The following SLC25A31 variants were observed in gnomAD, a reference collection of about 807,000 sequenced individuals.
The protein encoded by SLC25A31 is solute carrier family 25 member 31.
A neutral mutation model predicts 36.2 loss-of-function variants in SLC25A31; 40 were observed. The ratio of observed to expected loss-of-function variants is 1.10; its 90% CI spans 0.86 to 1.44. SLC25A31 has a LOEUF of 1.44. Ranked by LOEUF, SLC25A31 falls within the 40% of genes most tolerant of loss-of-function variation. The pLI is 0.00. For synonymous variants in SLC25A31, 143 were observed against 149.7 expected (o/e 0.96, Z 0.32); for missense variants, 350 against 397.1 (o/e 0.88, Z 1.01).
At chr4:127,744,532 GAC>G in intron 1 of SLC25A31, 138 bp from the exon 2 acceptor site, 1 of 679,134 alleles carries the variant, frequency 1.5e-6, no homozygotes, top group Non-Finnish European at 2.2e-6. Flanking sequence ...TTTCAATGGA[GAC>G]ACACATTTTA....
chr4:127,762,647 A>G (rs754399570), intron 2 of SLC25A31, among the ~76,000 whole-genome samples: 10 of 152,156 alleles, frequency 6.6e-5, no homozygotes, highest in Non-Finnish European at 1.0e-4. Context: ...GGCCGGGCGC[A>G]GTGGCTCACA....
chr4:127,751,224 G>T (rs1299279402), intron 2 of SLC25A31, among the ~76,000 whole-genome samples: 1 of 152,118 alleles, frequency 6.6e-6, no homozygotes, highest in Non-Finnish European at 1.5e-5. Context: ...TCAAAACAGA[G>T]ATATAGACCA....
At chr4:127,732,572 CAGATAGGGCTGACTAG>C (rs1447342442) in intron 1 of SLC25A31, among the ~76,000 whole-genome samples, 1 of 152,176 alleles carries the variant, frequency 6.6e-6, no homozygotes, top group Admixed American at 6.5e-5. Flanking sequence ...GTATTCTGGT[CAGATAGGGCTGACTAG>C]TGCTAATTTA....
intron 1 of SLC25A31, among the ~76,000 whole-genome samples, chr4:127,735,912 C>T (rs1297554829): frequency 3.7e-5 from 4 of 109,292 alleles, no homozygotes; most frequent in Admixed American, 1.2e-4. Flanking sequence ...TTTTTTGAGA[C>T]GGAGTCTCGC....
chr4:127,751,809 C>G (rs1038827278), intron 2 of SLC25A31, among the ~76,000 whole-genome samples: 39 of 152,214 alleles, frequency 2.6e-4, no homozygotes, highest in African/African-American at 8.9e-4. Flanking sequence ...CCAACAGACA[C>G]ATGAAAAAAT....
At chr4:127,752,312 T>C (rs201308137) in intron 2 of SLC25A31, among the ~76,000 whole-genome samples, 4,536 of 151,364 alleles carry the variant, frequency 0.03, 276 homozygotes, top group East Asian at 0.26. Context: ...AGCAAACTAT[T>C]GCAAGGACAA....
At chr4:127,767,970 AT>A (rs1486182630) in intron 4 of SLC25A31, among the ~76,000 whole-genome samples, 1 of 151,990 alleles carries the variant, frequency 6.6e-6, no homozygotes, top group Non-Finnish European at 1.5e-5. Context: ...TAATAAAAAA[AT>A]AAAATCCCCC....
At chr4:127,773,305 C>G in intron 5 of SLC25A31, 81 bp from the exon 6 acceptor site, 1 of 1,286,652 alleles carries the variant, frequency 7.8e-7, no homozygotes, top group East Asian at 2.4e-5. Flanking sequence ...TTTATCTTAT[C>G]TATCCTTAGT....
At chr4:127,758,341 T>C (rs915922204) in intron 2 of SLC25A31, among the ~76,000 whole-genome samples, 8 of 152,230 alleles carry the variant, frequency 5.3e-5, no homozygotes, top group African/African-American at 1.9e-4. Flanking sequence ...TATTTGGTTT[T>C]TTTCTGGTCA....
At chr4:127,752,395 A>T (rs1004486062) in intron 2 of SLC25A31, among the ~76,000 whole-genome samples, 2 of 152,030 alleles carry the variant, frequency 1.3e-5, no homozygotes, top group Non-Finnish European at 2.9e-5. Context: ...CAGGAAGGGG[A>T]ACATCACACA....
At chr4:127,745,267 G>C (rs188624979) in intron 2 of SLC25A31, among the ~76,000 whole-genome samples, 12 of 150,988 alleles carry the variant, frequency 7.9e-5, no homozygotes, top group Non-Finnish European at 1.5e-4. Context: ...ACTGGAAAAT[G>C]ATAAATTTAA....
intron 2 of SLC25A31, among the ~76,000 whole-genome samples, chr4:127,761,791 CA>C (rs1057001298): frequency 6.6e-6 from 1 of 152,114 alleles, no homozygotes; most frequent in African/African-American, 2.4e-5. Flanking sequence ...AAACAGTCTC[CA>C]AAAAGTCTAA....
Position 127,733,563 on chromosome 4 carries a change from T to C in SLC25A31, c.232+2786T>C, listed in dbSNP as rs139314511. ...TTTGACGTATTTCAAAATGTCAATA[T>C]GCAGTTAATTACAACTGAATCGTTA... On this transcript the variant is annotated intron_variant, in intron 1 of 5. Coordinates refer to ENST00000281154, the MANE Select transcript of SLC25A31 (RefSeq NM_031291.4). 1.5e-3 allele frequency among the ~76,000 whole-genome samples: 228 copies of C among 152,376 alleles called. 1 individual carries two copies. Among genetic ancestry groups the C allele is most frequent in the Admixed American group, 0.013 (200 of 15,302 alleles).
intron 1 of SLC25A31, among the ~76,000 whole-genome samples, chr4:127,737,643 T>A (rs1731657504): frequency 6.6e-6 from 1 of 151,686 alleles, no homozygotes; most frequent in Non-Finnish European, 1.5e-5. Flanking sequence ...CAGCCTGGAG[T>A]TTTGGTGTTC....
At chr4:127,751,642 A>C (rs1381568148) in intron 2 of SLC25A31, among the ~76,000 whole-genome samples, 1 of 152,260 alleles carries the variant, frequency 6.6e-6, no homozygotes, top group Non-Finnish European at 1.5e-5. Context: ...GGCAACCTAC[A>C]GAATGGGAGA....
rs550419770 is a variant in SLC25A31, at chr4:127,736,135, C to T, written c.232+5358C>T. On this transcript the variant is annotated intron_variant, in intron 1 of 5. Transcript: ENST00000281154. ...CGATCTCCTGACCTCGTGATCCGCC[C>T]GCCTCGGCCTCCCAAAGTGCTGGGA... is the stretch of plus-strand genomic sequence containing the variant. Among the ~76,000 whole-genome samples, 285 of 151,872 alleles carry T rather than the reference C, an allele frequency of 1.9e-3. 1 individual carries two copies. Among genetic ancestry groups the T allele is most frequent in the African/African-American group, 6.6e-3 (274 of 41,454 alleles).
chr4:127,731,661 G>A (rs922980691), intron 1 of SLC25A31, among the ~76,000 whole-genome samples: 20 of 152,140 alleles, frequency 1.3e-4, no homozygotes, highest in African/African-American at 4.3e-4. Flanking sequence ...CTCCAGCCTG[G>A]ATGAAGGAGT....
chr4:127,739,159 C>T (rs1182509405), intron 1 of SLC25A31, among the ~76,000 whole-genome samples: 1 of 152,090 alleles, frequency 6.6e-6, no homozygotes, highest in Non-Finnish European at 1.5e-5. Flanking sequence ...CTGGTTTCTT[C>T]ATATTTTATA....
In SLC25A31 at chr4:127,748,844, A is replaced by G. The variant is rs7687437; in HGVS notation, c.360+4045A>G. 3.0e-3 allele frequency among the ~76,000 whole-genome samples: 464 copies of G among 152,324 alleles called. 4 individuals carry two copies. Among genetic ancestry groups the G allele is most frequent in the African/African-American group, 0.011 (448 of 41,572 alleles). ...TTGGTCTTTCAGATATCCAGACACCAATACAAGGCTACATGGATAACAAAG... is the reference window on the plus strand; with the variant it reads ...TTGGTCTTTCAGATATCCAGACACCGATACAAGGCTACATGGATAACAAAG... On this transcript the variant is annotated intron_variant, in intron 2 of 5. Coordinates refer to ENST00000281154, the MANE Select transcript of SLC25A31 (RefSeq NM_031291.4).
Sources: gnomAD v4.1 joint callset for allele counts (sites outside exome capture counted in the v4.1 genomes callset) on GRCh38, gnomAD v4.1.1 for gene constraint, MANE v1.5 for transcripts, NCBI Gene and HGNC (gene_info 2026-07-23, HGNC 2026-07-21) for gene names.